MGAM: variants seen among roughly 807,000 people sequenced by gnomAD.
MGAM encodes alpha-1,4-glucosidase.
In MGAM, 253 loss-of-function variants were observed where a neutral mutation model predicts 358.8. The observed-to-expected ratio is 0.71, with a 90% confidence interval of 0.64 to 0.78. MGAM has a LOEUF of 0.78. MGAM is among the 30% of genes least tolerant of loss of function. The pLI is 0.00. For missense variants in MGAM, 3,080 were observed against 3,432.6 expected (o/e 0.90, Z 2.57); for synonymous variants, 1,105 against 1,227.1 (o/e 0.90, Z 2.08).
At chr7:142,055,852 C>T in intron 28 of MGAM, 126 bp downstream of exon 28, 1 of 1,484,066 alleles carries the variant, frequency 6.7e-7, no homozygotes, top group Non-Finnish European at 9.1e-7. Context: ...TGGGCCAATT[C>T]TCAGGCTCCT....
At position 142,058,822 on chromosome 7, in the gene MGAM, G is replaced by T. The variant is rs548542115; in HGVS notation, c.3819+494G>T. Among the ~76,000 whole-genome samples, 7 of 152,314 alleles carry T rather than the reference G, an allele frequency of 4.6e-5. No individual in the cohort carries two copies. In the South Asian group the frequency reaches 1.4e-3, roughly 32 times the overall value. On this transcript the variant is annotated intron_variant, in intron 31 of 70. Transcript: ENST00000475668. Reference sequence around the variant, plus strand: ...TTTCCAGAGGACATACATATGGAAAGAAACCTTATCCTTCAGTGGAGGATG... The same window carrying T: ...TTTCCAGAGGACATACATATGGAAATAAACCTTATCCTTCAGTGGAGGATG...
At chr7:142,104,821 G>A (rs770091488) in intron 70 of MGAM, among the ~76,000 whole-genome samples, 3 of 152,110 alleles carry the variant, frequency 2.0e-5, no homozygotes, top group African/African-American at 4.8e-5. Context: ...TAGTGGTCCT[G>A]ACACTTATCA....
rs376986038 is a variant in MGAM, at chr7:142,058,332, C to A, written c.3819+4C>A. 6.2e-7 allele frequency: 1 copy of A among 1,613,712 alleles called. No homozygotes were observed. Among genetic ancestry groups the A allele is most frequent in the Non-Finnish European group, 8.5e-7 (1 of 1,179,818 alleles). ...GGTGGCTGCCCAGATCCCTTATGTA[C>A]GTTCTCAGTCATGGCTCTGGAGTTT... is the stretch of plus-strand genomic sequence containing the variant. On this transcript the variant is annotated splice_donor_region_variant and intron_variant, in intron 31 of 70. Transcript: ENST00000475668.
Position 142,063,490 on chromosome 7 carries a change from C to T in MGAM, c.4258-9C>T. 1 of 1,612,624 alleles carries T rather than the reference C, an allele frequency of 6.2e-7. No individual in the cohort carries two copies. Among genetic ancestry groups the T allele is most frequent in the Non-Finnish European group, 8.5e-7 (1 of 1,179,304 alleles). On this transcript the variant is annotated splice_polypyrimidine_tract_variant and intron_variant, in intron 35 of 70. Coordinates refer to ENST00000475668, the MANE Select transcript of MGAM (RefSeq NM_001365693.1). ...AAAAGTGAGGTATGTCTGTGTTTGG[C>T]ATTTCTAGGATATGAATGAACCATC...
chr7:142,031,824 A>G (rs782694177), intron 13 of MGAM, 31 bp downstream of exon 13: 5 of 1,413,222 alleles, frequency 3.5e-6, no homozygotes, highest in Non-Finnish European at 5.0e-6. Context: ...TTATTAGGTG[A>G]CAAATATTCA....
intron 44 of MGAM, 34 bp downstream of exon 44, chr7:142,071,152 TCA>T (rs1813314303): frequency 6.5e-7 from 1 of 1,527,486 alleles, no homozygotes; most frequent in South Asian, 1.2e-5. Flanking sequence ...CCTTTACATT[TCA>T]GTTAGCTCAA....
chr7:141,995,154 G>T (rs1554448333), upstream of MGAM, among the ~76,000 whole-genome samples: 1 of 151,742 alleles, frequency 6.6e-6, no homozygotes, highest in Non-Finnish European at 1.5e-5. Context: ...CAAGGAGGGG[G>T]ATCATTTTCC....
chr7:142,009,757 T>C (rs901234906), intron 3 of MGAM, among the ~76,000 whole-genome samples: 9 of 152,198 alleles, frequency 5.9e-5, no homozygotes, highest in Admixed American at 5.9e-4. Flanking sequence ...ACTGGCACTT[T>C]CAATGATTCA....
rs1430561028 is a variant in MGAM, at chr7:142,065,576, T to C, written c.4619-12T>C. On this transcript the variant is annotated splice_polypyrimidine_tract_variant and intron_variant, in intron 38 of 70. Coordinates refer to ENST00000475668, the MANE Select transcript of MGAM (RefSeq NM_001365693.1). ...AGAGCCTGGTGTGACACAGCTGTGCTTCTCGTTGCAGGCATGATGGAGTTC... is the reference window on the plus strand; with the variant it reads ...AGAGCCTGGTGTGACACAGCTGTGCCTCTCGTTGCAGGCATGATGGAGTTC... The C allele has an allele frequency of 2.5e-6, 4 of 1,613,998 alleles. No individual in the cohort carries two copies. The Admixed American group carries it at 6.7e-5, about 27-fold the overall frequency.
intron 24 of MGAM, 125 bp from the exon 25 acceptor site, chr7:142,052,169 A>G (rs1473061083): frequency 1.3e-6 from 1 of 795,900 alleles, no homozygotes; most frequent in South Asian, 1.9e-5. Flanking sequence ...CTAAAGTCAT[A>G]TGTTGCTTGG....
Position 142,034,734 on chromosome 7 carries a change from T to G in MGAM, c.1852T>G (p.Ser618Ala). 6.2e-7 allele frequency: 1 copy of G among 1,613,644 alleles called. No individual in the cohort carries two copies. Among genetic ancestry groups the G allele is most frequent in the Non-Finnish European group, 8.5e-7 (1 of 1,179,660 alleles). Residue 618 changes from serine to alanine, a missense_variant, in exon 16 of 71, where the codon TCT (serine) becomes GCT (alanine). Ser to Ala is a moderately conservative substitution (Grantham distance 99, BLOSUM62 1). This residue lies in a region of MGAM where 1,816 missense variants were observed against 1,840.5 expected (regional missense o/e 0.99). Transcript: ENST00000475668. Reference sequence around the variant, plus strand: ...TCTGACCCGTTCTACCTTTGCGGGCTCTGGCAAGTTTGCAGCACATTGGTT... The same window carrying G: ...TCTGACCCGTTCTACCTTTGCGGGCGCTGGCAAGTTTGCAGCACATTGGTT... ...FILTRSTFAG[S>A]GKFAAHWLGD...
In MGAM at chr7:142,062,639, A is replaced by G. The variant is rs1812329757; in HGVS notation, c.4194A>G (p.Ile1398Met). 1.2e-6 allele frequency: 2 copies of G among 1,612,894 alleles called. No homozygotes were observed. The highest frequency in any genetic ancestry group is 1.1e-5 in the South Asian group (1 of 90,984). The change falls in exon 35 of 71, where the codon ATA becomes ATG. Residue 1398 changes from isoleucine to methionine, a missense_variant. By Grantham distance (10) the Ile-to-Met change is conservative. This residue lies in a region of MGAM where 1,816 missense variants were observed against 1,840.5 expected (regional missense o/e 0.99). Coordinates refer to ENST00000475668, the MANE Select transcript of MGAM (RefSeq NM_001365693.1). ...NSTAKWWKRE[I>M]EELYNNPQNP... ...CTGCCAAGTGGTGGAAGAGGGAAAT[A>G]GAAGAACTATACAACAATCCACAGA...
In MGAM at chr7:142,052,867, G is replaced by T. The variant is rs1585016922; in HGVS notation, c.3042G>T (p.Gly1014=). 1 of 1,613,676 alleles carries T rather than the reference G, an allele frequency of 6.2e-7. No individual in the cohort carries two copies. The change falls in exon 26 of 71, where the codon GGG becomes GGT. Residue 1014 remains glycine (G), a synonymous_variant. Transcript: ENST00000475668. The part of the protein sequence containing the change: ...SVSDVQYNSH[G]ATADISLKSS... The stretch of plus-strand genomic sequence containing the variant: ...GTGATGTTCAGTATAATTCCCATGG[G>T]GCCACAGCTGACATCTCCTTAAAGT...
intron 21 of MGAM, among the ~76,000 whole-genome samples, chr7:142,042,173 T>C (rs190133187): frequency 0.018 from 51 of 2,870 alleles, 4 homozygotes; most frequent in Admixed American, 0.04. Context: ...TAATATATAA[T>C]ATATAACATA....
rs1554458536 is a variant in MGAM, at chr7:142,021,046, C to T, written c.521C>T (p.Thr174Ile). ...FGSNVDNVLL[T>I]AEYQTSNRFH... ...AGCAATGTTGACAATGTTCTTCTCA[C>T]AGCAGAATATCAGACATCTAATCGT... Residue 174 changes from threonine to isoleucine, a missense_variant, in exon 5 of 71, where the codon ACA (threonine) becomes ATA (isoleucine). Thr to Ile is a moderately conservative substitution (Grantham distance 89). Transcript: ENST00000475668. The T allele has an allele frequency of 6.2e-7, 1 of 1,612,900 alleles. No individual in the cohort carries two copies. The highest frequency in any genetic ancestry group is 8.5e-7 in the Non-Finnish European group (1 of 1,179,286).
intron 3 of MGAM, among the ~76,000 whole-genome samples, chr7:142,015,980 A>G (rs1805930945): frequency 6.6e-6 from 1 of 152,158 alleles, no homozygotes; most frequent in African/African-American, 2.4e-5. Flanking sequence ...TCTGGAGGAA[A>G]CACCACTTGG....
At chr7:142,059,057 T>A (rs557467117) in intron 31 of MGAM, among the ~76,000 whole-genome samples, 1 of 152,332 alleles carries the variant, frequency 6.6e-6, no homozygotes, top group African/African-American at 2.4e-5. Flanking sequence ...ATCTTTGCTT[T>A]GTTTTGTAGT....
chr7:142,080,814 G>A lies in MGAM; in HGVS notation c.5871G>A (p.Arg1957=). The A allele has an allele frequency of 6.4e-7, 1 of 1,555,444 alleles. No individual in the cohort carries two copies. Among genetic ancestry groups the A allele is most frequent in the East Asian group, 2.3e-5 (1 of 43,942 alleles). ...AGATTTATGATCCCAACAACAATCG[G>A]TATGAAGTTCCAGTCCCTCTGAACA... ...QFKIYDPNNN[R]YEVPVPLNIP... Residue 1957 remains arginine (R), a synonymous_variant, in exon 50 of 71, where the codon CGG becomes CGA. Transcript: ENST00000475668.
At position 142,094,859 on chromosome 7, in the gene MGAM, C is replaced by A. The variant is rs866876882; in HGVS notation, c.7454C>A (p.Thr2485Asn). 3 of 1,613,908 alleles carry A rather than the reference C, an allele frequency of 1.9e-6. No homozygotes were observed. Among genetic ancestry groups the A allele is most frequent in the Non-Finnish European group, 2.5e-6 (3 of 1,179,850 alleles). Residue 2485 changes from threonine (T) to asparagine (N), a missense_variant, in exon 63 of 71, where the codon ACC becomes AAC. This residue lies in a region of MGAM where 932 missense variants were observed against 1,198.2 expected (regional missense o/e 0.78). Transcript: ENST00000475668. ...PFSRNHNTIG[T>N]RRQDPVSWDV... ...TCAAGAAACCACAACACCATTGGGA[C>A]CAGGGTAGGACAGTGGCCCCTACCT...
Sources: gnomAD v4.1 joint callset for allele counts (sites outside exome capture counted in the v4.1 genomes callset) on GRCh38, gnomAD v4.1.1 for gene constraint, gnomAD v4.1.1 regional missense constraint, MANE v1.5 for transcripts, NCBI Gene and HGNC (gene_info 2026-07-23, HGNC 2026-07-21) for gene names.